Variants in ZNF385B observed in about 807,000 individuals in gnomAD.
The protein encoded by ZNF385B is zinc finger protein 533.
ZNF385B carries 23 observed loss-of-function variants against 39.2 expected under a neutral mutation model. The ratio of observed to expected loss-of-function variants is 0.59; its 90% CI spans 0.42 to 0.83. The LOEUF (loss-of-function observed/expected upper bound fraction) is 0.83. Ranked by LOEUF, ZNF385B falls within the 40% of genes least tolerant of loss-of-function variation. The pLI, the probability that ZNF385B is intolerant of heterozygous loss-of-function variation, is 0.00. For synonymous variants in ZNF385B, 205 were observed against 222.6 expected (o/e 0.92, Z 0.70); for missense variants, 552 against 598.9 (o/e 0.92, Z 0.82).
chr2:179,741,334 T>C (rs10930884), intron 3 of ZNF385B, among the ~76,000 whole-genome samples: 13,920 of 152,200 alleles, frequency 0.091, 714 homozygotes, highest in Non-Finnish European at 0.11. Context: ...AATCAAATTA[T>C]ACACTGATGT....
At chr2:179,798,043 G>A (rs923156006) in intron 1 of ZNF385B, among the ~76,000 whole-genome samples, 3 of 152,098 alleles carry the variant, frequency 2.0e-5, no homozygotes, top group Middle Eastern at 3.4e-3. Context: ...ACTGAGTTGG[G>A]CCACTAGAAT....
At chr2:179,586,593 A>T (rs141853039) in intron 3 of ZNF385B, among the ~76,000 whole-genome samples, 2 of 152,192 alleles carry the variant, frequency 1.3e-5, no homozygotes, top group African/African-American at 4.8e-5. Context: ...CTGCCACCCC[A>T]TTGACTTAAA....
chr2:179,475,189 C>T (rs1244795325), intron 6 of ZNF385B, among the ~76,000 whole-genome samples: 1 of 151,918 alleles, frequency 6.6e-6, no homozygotes, highest in Non-Finnish European at 1.5e-5. Context: ...CATGCTGTTA[C>T]ATGCTGTTAG....
At chr2:179,447,340 C>A (rs2049601800) in intron 6 of ZNF385B, among the ~76,000 whole-genome samples, 1 of 152,092 alleles carries the variant, frequency 6.6e-6, no homozygotes, top group Admixed American at 6.6e-5. Flanking sequence ...TATAAGAGAC[C>A]AAGCTTCCAT....
At chr2:179,666,055 C>T (rs748363009) in intron 3 of ZNF385B, among the ~76,000 whole-genome samples, 1 of 152,074 alleles carries the variant, frequency 6.6e-6, no homozygotes, top group Non-Finnish European at 1.5e-5. Flanking sequence ...TTGTACAAGT[C>T]GCACAGTTTT....
intron 3 of ZNF385B, among the ~76,000 whole-genome samples, chr2:179,645,939 T>C (rs1221636199): frequency 6.6e-6 from 1 of 152,208 alleles, no homozygotes; most frequent in Non-Finnish European, 1.5e-5. Context: ...TGAGAGTGGC[T>C]CACAACCCTG....
intron 3 of ZNF385B, among the ~76,000 whole-genome samples, chr2:179,762,026 T>A (rs1703429320): frequency 6.6e-6 from 1 of 152,196 alleles, no homozygotes; most frequent in South Asian, 2.1e-4. Flanking sequence ...AGTATGATGT[T>A]ACCTGTAGGC....
chr2:179,575,072 T>C (rs1016446132), intron 3 of ZNF385B, among the ~76,000 whole-genome samples: 1 of 152,064 alleles, frequency 6.6e-6, no homozygotes. Context: ...TCTCAGGGTA[T>C]TATCTCTCTG....
rs1403095752 is a variant in ZNF385B, at chr2:179,852,355, TC to T, written c.-155+8745del. 2.0e-5 allele frequency among the ~76,000 whole-genome samples: 3 copies of T among 152,308 alleles called. No individual in the cohort carries two copies. In the East Asian group the frequency reaches 5.8e-4, roughly 29 times the overall value. On this transcript the variant is annotated intron_variant, in intron 1 of 9. Coordinates refer to ENST00000410066, the MANE Select transcript of ZNF385B (RefSeq NM_152520.6). ...AGTGGTCTCAATACTATCCACCTGGTCACTGCCATCAATGTGGTTACAAAAA... is the reference window on the plus strand; with the variant it reads ...AGTGGTCTCAATACTATCCACCTGGTACTGCCATCAATGTGGTTACAAAAA...
At chr2:179,790,782 T>A (rs1705279048) in intron 1 of ZNF385B, among the ~76,000 whole-genome samples, 2 of 152,236 alleles carry the variant, frequency 1.3e-5, no homozygotes, top group African/African-American at 4.8e-5. Flanking sequence ...GGGCATCAAA[T>A]TCCTCCTCTG....
At chr2:179,616,612 T>C (rs181344281) in intron 3 of ZNF385B, among the ~76,000 whole-genome samples, 2 of 152,234 alleles carry the variant, frequency 1.3e-5, no homozygotes, top group Admixed American at 6.5e-5. Context: ...CAGGCTGGAG[T>C]GCAGTGGTGC....
At chr2:179,600,009 CTA>C (rs1207005797) in intron 3 of ZNF385B, among the ~76,000 whole-genome samples, 1 of 152,142 alleles carries the variant, frequency 6.6e-6, no homozygotes, top group Admixed American at 6.5e-5. Flanking sequence ...GCCATTATGA[CTA>C]TGTGGAAGAA....
intron 1 of ZNF385B, among the ~76,000 whole-genome samples, chr2:179,794,116 C>T (rs958001136): frequency 1.3e-5 from 2 of 152,126 alleles, no homozygotes; most frequent in Non-Finnish European, 2.9e-5. Flanking sequence ...ATATTTGATC[C>T]TTAACTCAAG....
intron 5 of ZNF385B, among the ~76,000 whole-genome samples, chr2:179,493,662 T>TATACGC (rs2055634089): frequency 8.1e-6 from 1 of 123,280 alleles, no homozygotes; most frequent in Non-Finnish European, 1.7e-5. Context: ...TACATATATG[T>TATACGC]ATATGCATAT....
rs12621986 is a variant in ZNF385B, at chr2:179,639,754, G to A, written c.299-94785C>T. Among the ~76,000 whole-genome samples, 107 of 152,266 alleles carry A rather than the reference G, an allele frequency of 7.0e-4. 1 individual carries two copies. In the East Asian group the frequency reaches 0.019, roughly 27 times the overall value. ...CCAATTCAGGCAATGATCATCAATG[G>A]ATGCTAAAACCACTAGGGAAAAATC... On this transcript the variant is annotated intron_variant, in intron 3 of 9. Transcript: ENST00000410066.
chr2:179,712,500 C>T (rs1283972220), intron 3 of ZNF385B, among the ~76,000 whole-genome samples: 1 of 152,120 alleles, frequency 6.6e-6, no homozygotes, highest in Non-Finnish European at 1.5e-5. Context: ...TGGCTCTCAT[C>T]TTCTTCTTCA....
intron 6 of ZNF385B, among the ~76,000 whole-genome samples, chr2:179,464,110 A>T (rs1040813642): frequency 4.6e-5 from 7 of 152,328 alleles, no homozygotes; most frequent in Non-Finnish European, 1.0e-4. Context: ...AGTGATGATG[A>T]GCATTTTTTC....
chr2:179,753,945 C>G (rs1702847894), intron 3 of ZNF385B, among the ~76,000 whole-genome samples: 1 of 152,002 alleles, frequency 6.6e-6, no homozygotes, highest in South Asian at 2.1e-4. Flanking sequence ...GCCTGATTTC[C>G]CTGGCCAGAA....
intron 3 of ZNF385B, among the ~76,000 whole-genome samples, chr2:179,725,765 A>T (rs1332658350): frequency 1.3e-5 from 2 of 151,280 alleles, no homozygotes; most frequent in Admixed American, 6.6e-5. Context: ...CTATGTTCCA[A>T]CTGATAAGAT....
Sources: allele counts gnomAD v4.1 joint callset (sites outside exome capture counted in the v4.1 genomes callset), GRCh38; gene constraint gnomAD v4.1.1; transcripts MANE v1.5; gene names NCBI Gene and HGNC (gene_info 2026-07-23, HGNC 2026-07-21).